The following CREB5 variants were observed in gnomAD, a reference collection of about 807,000 sequenced individuals.
CREB5 encodes cyclic AMP-responsive element-binding protein 5.
A neutral mutation model predicts 57.1 loss-of-function variants in CREB5; 19 were observed. The observed-to-expected ratio is 0.33, with a 90% CI of 0.23 to 0.49. The LOEUF (loss-of-function observed/expected upper bound fraction) is 0.49. Ranked by LOEUF, CREB5 falls within the 20% of genes least tolerant of loss-of-function variation. The probability of loss-of-function intolerance (pLI) is 0.99; values close to 1 mark genes in which losing one functional copy is unlikely to be tolerated. For synonymous variants in CREB5, 238 were observed against 238.3 expected, an observed-to-expected ratio of 1.00 and a Z score of 0.01; for missense variants, 579 against 671.6, an observed-to-expected ratio of 0.86 and a Z score of 1.52.
chr7:28,469,667 T>G (rs1372918110), intron 1 of CREB5, among the ~76,000 whole-genome samples: 1 of 152,230 alleles, frequency 6.6e-6, no homozygotes, highest in Non-Finnish European at 1.5e-5. Flanking sequence ...GATTTCATAA[T>G]GTAATAAGAG....
At chr7:28,318,904 T>C in intron 1 of CREB5, among the ~76,000 whole-genome samples, 1 of 152,160 alleles carries the variant, frequency 6.6e-6, no homozygotes, top group East Asian at 1.9e-4. Flanking sequence ...AAACAAAAAG[T>C]ACCAGAAAAG....
intron 3 of CREB5, among the ~76,000 whole-genome samples, chr7:28,496,559 G>C (rs146655991): frequency 6.6e-6 from 1 of 152,050 alleles, no homozygotes; most frequent in African/African-American, 2.4e-5. Flanking sequence ...AAAAGATGAG[G>C]GCCCTTGATC....
At chr7:28,510,052 C>T (rs528731171) in intron 4 of CREB5, among the ~76,000 whole-genome samples, 7 of 152,192 alleles carry the variant, frequency 4.6e-5, no homozygotes, top group Non-Finnish European at 1.0e-4. Flanking sequence ...GCAGCAAAGA[C>T]GGCTGTGTTG....
intron 4 of CREB5, among the ~76,000 whole-genome samples, chr7:28,561,579 C>G (rs1425064521): frequency 1.3e-5 from 2 of 152,148 alleles, no homozygotes; most frequent in Non-Finnish European, 2.9e-5. Flanking sequence ...ATTGAGAAAA[C>G]TGAAGTACAG....
intron 4 of CREB5, among the ~76,000 whole-genome samples, chr7:28,522,534 T>A (rs558623203): frequency 1.1e-4 from 16 of 152,124 alleles, no homozygotes; most frequent in Admixed American, 2.0e-4. Flanking sequence ...TAGCTGGGAT[T>A]ATAGGCATGT....
Position 28,348,454 on chromosome 7 carries a change from C to T in CREB5, c.-25+49013C>T, listed in dbSNP as rs6980140. ...CACACACACACACACAGACACCTTG[C>T]ATGGTAGTGGTGAGAATTAGAGATA... On this transcript the variant is annotated intron_variant, in intron 1 of 9. Transcript: ENST00000396299. Among the ~76,000 whole-genome samples the T allele has an allele frequency of 2.6e-3, 381 of 147,862 alleles. 3 individuals carry two copies. The highest frequency in any genetic ancestry group is 0.01 in the Middle Eastern group (3 of 292).
At chr7:28,333,540 C>A (rs1214158720) in intron 1 of CREB5, among the ~76,000 whole-genome samples, 1 of 152,108 alleles carries the variant, frequency 6.6e-6, no homozygotes, top group East Asian at 1.9e-4. Context: ...CTCACTCCAT[C>A]CACCCACTAC....
At chr7:28,779,502 C>A (rs2299118) in intron 7 of CREB5, among the ~76,000 whole-genome samples, 1 of 152,136 alleles carries the variant, frequency 6.6e-6, no homozygotes, top group East Asian at 1.9e-4. Context: ...GCCTGCCAAC[C>A]CTAACTGCCC....
intron 1 of CREB5, among the ~76,000 whole-genome samples, chr7:28,331,791 G>T (rs1052939086): frequency 6.8e-6 from 1 of 148,088 alleles, no homozygotes; most frequent in African/African-American, 2.5e-5. Flanking sequence ...GGAGGTTGCA[G>T]TCAGGCGAGA....
chr7:28,516,048 A>G (rs1792935302), intron 4 of CREB5, among the ~76,000 whole-genome samples: 1 of 151,966 alleles, frequency 6.6e-6, no homozygotes, highest in African/African-American at 2.4e-5. Flanking sequence ...TCTGTATTAA[A>G]AATGAAAATA....
chr7:28,354,305 G>A (rs1786296962), intron 1 of CREB5, among the ~76,000 whole-genome samples: 1 of 152,090 alleles, frequency 6.6e-6, no homozygotes, highest in African/African-American at 2.4e-5. Context: ...AATCTGGGTG[G>A]GCACCATCTA....
At chr7:28,529,692 AG>A (rs1425940047) in intron 4 of CREB5, among the ~76,000 whole-genome samples, 1 of 152,206 alleles carries the variant, frequency 6.6e-6, no homozygotes, top group Non-Finnish European at 1.5e-5. Flanking sequence ...GCAAGTCAGA[AG>A]GATTTCCAGA....
At chr7:28,340,062 C>G (rs985477796) in intron 1 of CREB5, among the ~76,000 whole-genome samples, 8 of 152,146 alleles carry the variant, frequency 5.3e-5, no homozygotes, top group African/African-American at 1.9e-4. Flanking sequence ...CAAGGCAGTT[C>G]CAGAAATACT....
At chr7:28,382,324 G>C in intron 1 of CREB5, among the ~76,000 whole-genome samples, 1 of 152,058 alleles carries the variant, frequency 6.6e-6, no homozygotes, top group African/African-American at 2.4e-5. Flanking sequence ...GACACACCCG[G>C]GGCAGTCCAG....
intron 1 of CREB5, among the ~76,000 whole-genome samples, chr7:28,465,964 G>T (rs928688485): frequency 1.3e-5 from 2 of 152,140 alleles, no homozygotes; most frequent in African/African-American, 4.8e-5. Context: ...AGCTGCAAAA[G>T]TAGTGATTTC....
chr7:28,405,957 C>G (rs1447717753), intron 1 of CREB5, among the ~76,000 whole-genome samples: 1 of 152,136 alleles, frequency 6.6e-6, no homozygotes, highest in African/African-American at 2.4e-5. Flanking sequence ...TCCCTGGGGA[C>G]GTCTGACTCA....
At chr7:28,395,604 G>T (rs1787319029) in intron 1 of CREB5, among the ~76,000 whole-genome samples, 1 of 152,136 alleles carries the variant, frequency 6.6e-6, no homozygotes, top group African/African-American at 2.4e-5. Flanking sequence ...CGTTGCAACA[G>T]GTTGGTTTAC....
At chr7:28,777,911 A>T (rs966279652) in intron 7 of CREB5, among the ~76,000 whole-genome samples, 19 of 152,226 alleles carry the variant, frequency 1.2e-4, no homozygotes, top group African/African-American at 4.6e-4. Context: ...TGTCAACAGA[A>T]TATTTTCTTT....
intron 5 of CREB5, among the ~76,000 whole-genome samples, chr7:28,694,362 T>C (rs1161610089): frequency 2.6e-5 from 4 of 152,136 alleles, no homozygotes; most frequent in South Asian, 4.1e-4. Context: ...GGCCTCTCTA[T>C]AGCCAGATTA....
Sources: allele counts gnomAD v4.1 joint callset (sites outside exome capture counted in the v4.1 genomes callset), GRCh38; gene constraint gnomAD v4.1.1; transcripts MANE v1.5; gene names NCBI Gene and HGNC (gene_info 2026-07-23, HGNC 2026-07-21).